The following BCKDHB variants were observed in gnomAD, a reference collection of about 807,000 sequenced individuals.
BCKDHB encodes branched chain keto acid dehydrogenase E1 subunit beta.
Under a neutral mutation model 48.5 loss-of-function variants are expected in BCKDHB, and 41 were observed. The observed-to-expected ratio is 0.85, with a 90% confidence interval of 0.66 to 1.10. The LOEUF is 1.10. BCKDHB is among the 50% of genes least tolerant of loss of function. The pLI, the probability that BCKDHB is intolerant of heterozygous loss-of-function variation, is 0.00. For synonymous variants in BCKDHB, 201 were observed against 174.8 expected (o/e 1.15, Z -1.18); for missense variants, 496 against 494.2 (o/e 1.00, Z -0.03).
At chr6:80,120,619 T>G (rs567444841) in intron 1 of BCKDHB, among the ~76,000 whole-genome samples, 21 of 152,248 alleles carry the variant, frequency 1.4e-4, no homozygotes, top group African/African-American at 5.1e-4. Context: ...CCGGTGATGA[T>G]AAGCATTTTC....
At chr6:80,331,113 T>C (rs1420222449) in intron 9 of BCKDHB, among the ~76,000 whole-genome samples, 1 of 152,128 alleles carries the variant, frequency 6.6e-6, no homozygotes, top group Non-Finnish European at 1.5e-5. Flanking sequence ...TGCTTATTGA[T>C]AGGGAAAAGT....
chr6:80,385,402 C>G, the BCKDHB span, among the ~76,000 whole-genome samples: 2 of 152,148 alleles, frequency 1.3e-5, no homozygotes, highest in Non-Finnish European at 2.9e-5. Context: ...AATAATGGGA[C>G]CCTGCAACTT....
chr6:80,206,491 G>T (rs925786304), intron 8 of BCKDHB, among the ~76,000 whole-genome samples: 2 of 151,800 alleles, frequency 1.3e-5, no homozygotes, highest in Admixed American at 6.6e-5. Flanking sequence ...GGAACATAGA[G>T]AAAATAAGGA....
At chr6:80,287,442 T>C (rs653581) in intron 9 of BCKDHB, among the ~76,000 whole-genome samples, 120,798 of 151,484 alleles carry the variant, frequency 0.8, 48,348 homozygotes, top group Admixed American at 0.87. Flanking sequence ...AGATCAAGAA[T>C]ATAAATGCTA....
chr6:80,273,524 T>C (rs898906888), intron 9 of BCKDHB, among the ~76,000 whole-genome samples: 1 of 152,130 alleles, frequency 6.6e-6, no homozygotes, highest in African/African-American at 2.4e-5. Context: ...TTGTATTTGC[T>C]ACGTTAACAG....
chr6:80,164,728 T>C (rs755554611), intron 3 of BCKDHB, among the ~76,000 whole-genome samples: 1 of 152,202 alleles, frequency 6.6e-6, no homozygotes, highest in Non-Finnish European at 1.5e-5. Context: ...TTAGAGTGTT[T>C]AGTAATCCGT....
chr6:80,188,881 A>C (rs573279776), intron 6 of BCKDHB, among the ~76,000 whole-genome samples: 12 of 152,314 alleles, frequency 7.9e-5, no homozygotes, highest in Admixed American at 7.2e-4. Flanking sequence ...CAGATTTAGC[A>C]AGAGAGGTGG....
chr6:80,463,783 C>T, the BCKDHB span, among the ~76,000 whole-genome samples: 1 of 152,090 alleles, frequency 6.6e-6, no homozygotes, highest in Non-Finnish European at 1.5e-5. Flanking sequence ...ATTTTCCTGG[C>T]CTCGTCACAC....
chr6:80,402,737 G>A, the BCKDHB span, among the ~76,000 whole-genome samples: 5 of 151,836 alleles, frequency 3.3e-5, no homozygotes, highest in Non-Finnish European at 7.4e-5. Flanking sequence ...ATGATTTTAT[G>A]TCTTACAATT....
At chr6:80,267,819 T>G (rs1227139109) in intron 8 of BCKDHB, among the ~76,000 whole-genome samples, 5 of 152,110 alleles carry the variant, frequency 3.3e-5, no homozygotes, top group Non-Finnish European at 5.9e-5. Flanking sequence ...TTTTATTTCT[T>G]TGTCAACATT....
intron 1 of BCKDHB, among the ~76,000 whole-genome samples, chr6:80,112,012 C>G (rs1036200911): frequency 6.6e-5 from 10 of 152,180 alleles, no homozygotes; most frequent in Admixed American, 3.3e-4. Flanking sequence ...AGTAAGTACT[C>G]CAGTGCCAGC....
intron 1 of BCKDHB, among the ~76,000 whole-genome samples, chr6:80,113,282 T>TC (rs1769510159): frequency 6.6e-6 from 1 of 152,132 alleles, no homozygotes; most frequent in South Asian, 2.1e-4. Flanking sequence ...TGGGCAGCTA[T>TC]CCCCCTTGGC....
rs74524277 is a variant in BCKDHB at position 80,203,862 on chromosome 6, C to T, written c.951+650C>T. Among the ~76,000 whole-genome samples, 1,422 of 152,098 alleles carry T rather than the reference C, an allele frequency of 9.3e-3. 30 individuals are homozygous for T. Among genetic ancestry groups the T allele is most frequent in the African/African-American group, 0.033 (1,353 of 41,514 alleles). ...TTACCTCTTTATATCCAGTATCTTTCACACCAATGCCAAGATAATTTAAGA... is the reference window on the plus strand; with the variant it reads ...TTACCTCTTTATATCCAGTATCTTTTACACCAATGCCAAGATAATTTAAGA... On this transcript the variant is annotated intron_variant, in intron 8 of 9. Coordinates refer to ENST00000320393, the MANE Select transcript of BCKDHB (RefSeq NM_183050.4).
At chr6:80,219,198 T>C (rs1205730675) in intron 8 of BCKDHB, among the ~76,000 whole-genome samples, 2 of 152,036 alleles carry the variant, frequency 1.3e-5, no homozygotes, top group Non-Finnish European at 2.9e-5. Flanking sequence ...TTTTGGAATT[T>C]ACTCTTTTTT....
chr6:80,360,949 G>A, the BCKDHB span, among the ~76,000 whole-genome samples: 1 of 142,494 alleles, frequency 7.0e-6, no homozygotes, highest in Non-Finnish European at 1.5e-5. Flanking sequence ...AGGTTGCAGT[G>A]AGCTGAGATC....
At chr6:80,425,674 C>A in the BCKDHB span, among the ~76,000 whole-genome samples, 2 of 152,164 alleles carry the variant, frequency 1.3e-5, no homozygotes, top group African/African-American at 4.8e-5. Context: ...ATCACTTTAC[C>A]ATGATCGTCT....
At chr6:80,248,914 G>A (rs868656891) in intron 8 of BCKDHB, among the ~76,000 whole-genome samples, 18 of 151,500 alleles carry the variant, frequency 1.2e-4, no homozygotes, top group Admixed American at 1.3e-4. Flanking sequence ...GTGTGTGTGT[G>A]TGTGTGTGTG....
intron 9 of BCKDHB, among the ~76,000 whole-genome samples, chr6:80,300,649 A>C (rs1767532873): frequency 6.6e-6 from 1 of 152,192 alleles, no homozygotes; most frequent in African/African-American, 2.4e-5. Flanking sequence ...CATGTGACCA[A>C]CTGGACCAAA....
At chr6:80,356,649 T>C in the BCKDHB span, 2 of 152,176 alleles carry the variant, frequency 1.3e-5, no homozygotes, top group African/African-American at 2.4e-5. Context: ...AGTTATATCA[T>C]AATGAAAGAA....
Sources: allele counts gnomAD v4.1 joint callset (sites outside exome capture counted in the v4.1 genomes callset), GRCh38; gene constraint gnomAD v4.1.1; transcripts MANE v1.5; gene names NCBI Gene and HGNC (gene_info 2026-07-23, HGNC 2026-07-21).